Variants in ADPRHL1 observed in about 807,000 individuals in gnomAD.
ADPRHL1 encodes the protein ADP-ribosylhydrolase like 1, also known as inactive ADP-ribosyltransferase ARH2.
Under a neutral mutation model 44.1 loss-of-function variants are expected in ADPRHL1, and 43 were observed. That is an observed-to-expected ratio of 0.98 (90% CI 0.76 to 1.26). The LOEUF (loss-of-function observed/expected upper bound fraction) is 1.26. Among genes scored for constraint, ADPRHL1 ranks in the 50% most tolerant of loss-of-function variants. ADPRHL1 has a pLI of 0.00. For synonymous variants in ADPRHL1, 878 were observed against 1,017.4 expected (o/e 0.86, Z 2.61); for missense variants, 2,022 against 2,496.9 (o/e 0.81, Z 4.05).
At chr13:113,445,450 C>T (rs1381524825) in intron 1 of ADPRHL1, among the ~76,000 whole-genome samples, 1 of 152,260 alleles carries the variant, frequency 6.6e-6, no homozygotes, top group Non-Finnish European at 1.5e-5. Context: ...GGCGGATGCC[C>T]ACCAGGTGGG....
intron 1 of ADPRHL1, among the ~76,000 whole-genome samples, chr13:113,446,506 G>A (rs375186306): frequency 6.6e-6 from 1 of 152,134 alleles, no homozygotes; most frequent in African/African-American, 2.4e-5. Context: ...CTACATGCAC[G>A]GTGTTGTCAT....
intron 1 of ADPRHL1, among the ~76,000 whole-genome samples, chr13:113,452,383 A>G (rs9604118): frequency 0.28 from 42,580 of 152,138 alleles, 7,128 homozygotes; most frequent in African/African-American, 0.46. Flanking sequence ...TAAACTGGGC[A>G]CGTCCATGGC....
chr13:113,448,719 C>G (rs940243454), intron 1 of ADPRHL1, among the ~76,000 whole-genome samples: 2 of 152,200 alleles, frequency 1.3e-5, no homozygotes, highest in African/African-American at 2.4e-5. Context: ...CTGAAGTTGG[C>G]TGAGTGAGCC....
In ADPRHL1 at chr13:113,405,066, C is replaced by A. The variant is rs1339995342; in HGVS notation, c.4216G>T (p.Val1406Phe). ...GGCTCTTTTGCTGGGTTCAGCACAA[C>A]CTTCGAGCCCGACGGCGCCACCCTC... is the stretch of plus-strand genomic sequence containing the variant. ...GKRVAPSGSK[V>F]VLNPAKEPQT... is the part of the protein sequence containing the mutation. The change falls in exon 8 of 8, where the codon GTT becomes TTT. Residue 1406 changes from valine (V) to phenylalanine (F), a missense_variant. This residue lies in a region of ADPRHL1 where 1,221 missense variants were observed against 1,517.8 expected (regional missense o/e 0.80). Coordinates refer to ENST00000612156, the MANE Select transcript of ADPRHL1 (RefSeq NM_001394807.1). 17 of 1,232,160 alleles carry A rather than the reference C, an allele frequency of 1.4e-5. No homozygotes were observed. The highest frequency in any genetic ancestry group is 2.0e-6 in the Non-Finnish European group (2 of 988,356). 76.3% of individuals were successfully genotyped at this position (1,232,160 alleles called of 1,614,324 possible). A position where few individuals can be genotyped will look rare whatever the true frequency, so the allele number is the denominator to read the frequency against.
intron 2 of ADPRHL1, among the ~76,000 whole-genome samples, chr13:113,439,180 T>C (rs1363835412): frequency 6.6e-6 from 1 of 152,088 alleles, no homozygotes; most frequent in Non-Finnish European, 1.5e-5. Context: ...TGGAGTGCAA[T>C]GGCACAATCT....
At chr13:113,415,751 A>AG in intron 7 of ADPRHL1, among the ~76,000 whole-genome samples, 1 of 64,572 alleles carries the variant, frequency 1.5e-5, no homozygotes, top group African/African-American at 6.4e-5. Flanking sequence ...ACTCCATCTC[A>AG]AAAAAAAAAA....
In ADPRHL1 at chr13:113,421,593, C is replaced by T. The variant is rs111450368; in HGVS notation, c.1061+1233G>A. Among the ~76,000 whole-genome samples, 1,255 of 152,280 alleles carry T rather than the reference C, an allele frequency of 8.2e-3. 4 individuals are homozygous for T. Among genetic ancestry groups the T allele is most frequent in the Middle Eastern group, 0.014 (4 of 294 alleles). ...GCCTGGAAGTGGTTGGCGGGGCTGG[C>T]CCGGGAAGCCTGGACCCAATGCACC... On this transcript the variant is annotated intron_variant, in intron 7 of 7. Coordinates refer to ENST00000612156, the MANE Select transcript of ADPRHL1 (RefSeq NM_001394807.1).
intron 3 of ADPRHL1, among the ~76,000 whole-genome samples, chr13:113,431,854 T>C (rs1315062497): frequency 6.6e-6 from 1 of 151,944 alleles, no homozygotes; most frequent in African/African-American, 2.4e-5. Flanking sequence ...TAGCTGGGAT[T>C]ACAGGCATGC....
intron 1 of ADPRHL1, among the ~76,000 whole-genome samples, chr13:113,446,310 C>A (rs1039559551): frequency 1.3e-5 from 2 of 151,484 alleles, no homozygotes; most frequent in East Asian, 3.9e-4. Context: ...GCACTCAGGG[C>A]CCCATGGCTG....
In ADPRHL1 at chr13:113,400,187, C is replaced by G. The variant is rs1294003028; in HGVS notation, c.*3191G>C. 1 of 147,718 alleles carries G rather than the reference C, an allele frequency of 6.8e-6. No homozygotes were observed. Among genetic ancestry groups the G allele is most frequent in the Non-Finnish European group, 1.5e-5 (1 of 66,792 alleles). 9.2% of individuals were successfully genotyped at this position (147,718 alleles called of 1,614,324 possible). A position where few individuals can be genotyped will look rare whatever the true frequency, so the allele number is the denominator to read the frequency against. On this transcript the variant is annotated 3_prime_UTR_variant, in exon 8 of 8. Transcript: ENST00000612156. Reference sequence around the variant, plus strand: ...TTTTGACGGAGTCTCGCTCTGTCACCCAGGCTGGAGTGCAGTGGCGCAATC... The same window carrying G: ...TTTTGACGGAGTCTCGCTCTGTCACGCAGGCTGGAGTGCAGTGGCGCAATC...
intron 3 of ADPRHL1, among the ~76,000 whole-genome samples, chr13:113,432,073 T>G (rs1233370200): frequency 6.6e-6 from 1 of 152,094 alleles, no homozygotes; most frequent in African/African-American, 2.4e-5. Flanking sequence ...TTTTAGAAAT[T>G]TAAATTATTA....
At chr13:113,418,709 G>C (rs7319959) in intron 7 of ADPRHL1, among the ~76,000 whole-genome samples, 124,303 of 151,996 alleles carry the variant, frequency 0.82, 51,077 homozygotes, top group Middle Eastern at 0.91. Flanking sequence ...TGGCTTCAGA[G>C]CTCACATCCG....
intron 1 of ADPRHL1, among the ~76,000 whole-genome samples, chr13:113,448,662 C>T (rs2044158780): frequency 7.4e-6 from 1 of 135,448 alleles, no homozygotes; most frequent in African/African-American, 3.2e-5. Flanking sequence ...TGGCCCTGTG[C>T]CCTGGAGGCT....
chr13:113,415,770 A>AAAAG (rs1555325970), intron 7 of ADPRHL1, among the ~76,000 whole-genome samples: 1 of 132,848 alleles, frequency 7.5e-6, no homozygotes, highest in African/African-American at 3.1e-5. Context: ...AAAAAAAAAA[A>AAAAG]AGAGAGAGAG....
Position 113,422,987 on chromosome 13 carries a change from G to A in ADPRHL1, c.908-8C>T, listed in dbSNP as rs201900174. The A allele has an allele frequency of 1.2e-5, 20 of 1,612,608 alleles. No individual in the cohort carries two copies. The highest frequency in any genetic ancestry group is 1.2e-4 in the Admixed American group (7 of 60,020). ...CCGTGGCCGCGCTCTCCCCTGAAAC[G>A]CAAAGGCAGCAGTTGCAGTGGGCTC... On this transcript the variant is annotated splice_polypyrimidine_tract_variant and splice_region_variant and intron_variant, in intron 6 of 7. Coordinates refer to ENST00000612156, the MANE Select transcript of ADPRHL1 (RefSeq NM_001394807.1).
chr13:113,408,797 T>C (rs1383312708), intron 7 of ADPRHL1, among the ~76,000 whole-genome samples: 1 of 135,374 alleles, frequency 7.4e-6, no homozygotes, highest in Non-Finnish European at 1.6e-5. Flanking sequence ...CACAAGCTCC[T>C]GGGCAGGAAC....
rs1026843493 is a variant in ADPRHL1, at chr13:113,400,309, C to T, written c.*3069G>A. The T allele has an allele frequency of 6.6e-6, 1 of 151,438 alleles. No individual in the cohort carries two copies. The highest frequency in any genetic ancestry group is 2.4e-5 in the African/African-American group (1 of 41,254). The allele number at this position is 151,438 out of a possible 1,614,324, so 9.4% of individuals were successfully genotyped here. ...TACAGGCACCCACCACCACGCCCGGCTAATTTTTGTATTTTTAGTAGAGAC... is the reference window on the plus strand; with the variant it reads ...TACAGGCACCCACCACCACGCCCGGTTAATTTTTGTATTTTTAGTAGAGAC... On this transcript the variant is annotated 3_prime_UTR_variant, in exon 8 of 8. Transcript: ENST00000612156.
intron 7 of ADPRHL1, among the ~76,000 whole-genome samples, chr13:113,418,673 C>G (rs372840206): frequency 6.6e-5 from 10 of 152,212 alleles, no homozygotes; most frequent in African/African-American, 2.2e-4. Flanking sequence ...TTCTCAGCCA[C>G]GATTGGAACT....
intron 7 of ADPRHL1, 123 bp downstream of exon 7, chr13:113,422,703 C>T (rs2043934242): frequency 2.4e-6 from 3 of 1,226,730 alleles, no homozygotes; most frequent in African/African-American, 1.5e-5. Context: ...TAGATGTGGC[C>T]AGTCAGGCAC....
Sources: gnomAD v4.1 joint callset for allele counts (sites outside exome capture counted in the v4.1 genomes callset) on GRCh38, gnomAD v4.1.1 for gene constraint, gnomAD v4.1.1 regional missense constraint, MANE v1.5 for transcripts, NCBI Gene and HGNC (gene_info 2026-07-23, HGNC 2026-07-21) for gene names.